GARNL3: variants seen among roughly 807,000 people sequenced by gnomAD.
GARNL3 encodes the protein GTPase-activating Rap/Ran-GAP domain-like protein 3.
GARNL3 carries 63 observed loss-of-function variants against 125.0 expected under a neutral mutation model. That is an observed-to-expected ratio of 0.50 (90% CI 0.41 to 0.62). The LOEUF (loss-of-function observed/expected upper bound fraction) is 0.62, where lower values mean the gene tolerates loss of function less well. GARNL3 is among the 20% of genes least tolerant of loss of function. The pLI is 0.00. For synonymous variants in GARNL3, 439 were observed against 457.5 expected (o/e 0.96, Z 0.52); for missense variants, 994 against 1,244.0 (o/e 0.80, Z 3.02).
upstream of GARNL3, chr9:127,264,442 G>C: frequency 1.2e-6 from 1 of 861,130 alleles, no homozygotes; most frequent in Non-Finnish European, 1.4e-6. Context: ...AAGGGGGACA[G>C]AGGGTGGAGC....
intron 2 of GARNL3, 74 bp from the exon 3 acceptor site, chr9:127,311,562 C>T: frequency 1.0e-6 from 1 of 1,001,040 alleles, no homozygotes. Flanking sequence ...GGTTCTTTGG[C>T]CGCTGGTTCA....
chr9:127,266,957 C>T lies in GARNL3; in HGVS notation c.144+1936C>T, dbSNP rs2063718394. Among the ~76,000 whole-genome samples, 1 of 152,192 alleles carries T rather than the reference C, an allele frequency of 6.6e-6. No homozygotes were observed. Among genetic ancestry groups the T allele is most frequent in the South Asian group, 2.1e-4 (1 of 4,834 alleles). On this transcript the variant is annotated intron_variant, in intron 1 of 27. Transcript: ENST00000373387. The surrounding 1 kb of genome is among the most constrained non-coding windows in gnomAD (Gnocchi z 4.0). ...TCTCAAACTTGAGCAGACATCAGAACTCTCTGGAAGGCTGATTAAAACATA... is the reference window on the plus strand; with the variant it reads ...TCTCAAACTTGAGCAGACATCAGAATTCTCTGGAAGGCTGATTAAAACATA...
intron 2 of GARNL3, among the ~76,000 whole-genome samples, chr9:127,302,057 C>G (rs1322877312): frequency 6.7e-6 from 1 of 150,162 alleles, no homozygotes; most frequent in Non-Finnish European, 1.5e-5. Flanking sequence ...ATTCTCCTGC[C>G]TCAGCCTCCA....
intron 7 of GARNL3, among the ~76,000 whole-genome samples, chr9:127,327,312 A>G (rs1315604184): frequency 1.3e-5 from 2 of 152,178 alleles, no homozygotes; most frequent in Non-Finnish European, 2.9e-5. Context: ...GAAACATGGT[A>G]AGACCAGTAA....
intron 22 of GARNL3, among the ~76,000 whole-genome samples, chr9:127,377,521 T>A (rs1235902159): frequency 1.3e-5 from 2 of 152,128 alleles, no homozygotes; most frequent in Non-Finnish European, 2.9e-5. Flanking sequence ...GAGGGGTGGC[T>A]CACACCCGTA....
At chr9:127,272,544 ATC>A (rs908667625) in intron 1 of GARNL3, among the ~76,000 whole-genome samples, 1 of 151,270 alleles carries the variant, frequency 6.6e-6, no homozygotes, top group Non-Finnish European at 1.5e-5. Flanking sequence ...TGGTGGCTCG[ATC>A]TCGGCTCACT....
chr9:127,346,766 G>A (rs1367830761), intron 16 of GARNL3, among the ~76,000 whole-genome samples: 22 of 152,154 alleles, frequency 1.4e-4, no homozygotes, highest in Admixed American at 1.4e-3. Context: ...CTCTGCAGAG[G>A]CCAGAGCCCC....
chr9:127,338,271 A>C, intron 12 of GARNL3, 110 bp downstream of exon 12: 2 of 882,762 alleles, frequency 2.3e-6, no homozygotes, highest in Non-Finnish European at 3.8e-6. Flanking sequence ...ATTTAATATG[A>C]GTGCCTGCAC....
rs148803469 is a variant in GARNL3 at position 127,257,561 on chromosome 9, T to G, written c.144-7391T>G. On this transcript the variant is annotated intron_variant, in intron 2 of 10. Transcript: ENST00000439286. Reference sequence around the variant, plus strand: ...TTAATGCTAGTGAACCACATAAATTTCAGGGGCATATGTCTGCATCAGAAA... The same window carrying G: ...TTAATGCTAGTGAACCACATAAATTGCAGGGGCATATGTCTGCATCAGAAA... Among the ~76,000 whole-genome samples, 456 of 152,330 alleles carry G rather than the reference T, an allele frequency of 3.0e-3. 3 individuals are homozygous for G. The highest frequency in any genetic ancestry group is 0.011 in the African/African-American group (441 of 41,574).
chr9:127,380,369 A>G (rs1832185247), intron 22 of GARNL3, among the ~76,000 whole-genome samples: 1 of 152,224 alleles, frequency 6.6e-6, no homozygotes, highest in South Asian at 2.1e-4. Flanking sequence ...AGATGTAGAT[A>G]TAGATACAAA....
chr9:127,300,642 A>G, intron 2 of GARNL3: 1 of 299,412 alleles, frequency 3.3e-6, no homozygotes, highest in South Asian at 3.0e-5. Flanking sequence ...GTTAGTAGAG[A>G]TAGGGTTTCA....
At chr9:127,331,590 C>T (rs1829244784) in intron 7 of GARNL3, among the ~76,000 whole-genome samples, 1 of 151,946 alleles carries the variant, frequency 6.6e-6, no homozygotes, top group African/African-American at 2.4e-5. Flanking sequence ...GCCCCTGTTC[C>T]TCTGTCTTCC....
At chr9:127,243,833 G>T (rs1588674517) in intron 2 of GARNL3, among the ~76,000 whole-genome samples, 1 of 152,194 alleles carries the variant, frequency 6.6e-6, no homozygotes, top group Admixed American at 6.5e-5. Context: ...CCAGGCCTTT[G>T]TTATGGTGTA....
At chr9:127,244,322 G>A (rs1220964301) in intron 2 of GARNL3, among the ~76,000 whole-genome samples, 1 of 152,224 alleles carries the variant, frequency 6.6e-6, no homozygotes, top group Non-Finnish European at 1.5e-5. Context: ...CTTGTAGGAT[G>A]AGCATTGATC....
intron 19 of GARNL3, 35 bp downstream of exon 19, chr9:127,354,445 G>T: frequency 7.6e-6 from 8 of 1,051,360 alleles, no homozygotes; most frequent in South Asian, 3.2e-5. Context: ...CATTCGATTC[G>T]TTTTTTTTTT....
intron 3 of GARNL3, 33 bp downstream of exon 3, chr9:127,311,768 G>C: frequency 6.9e-7 from 1 of 1,443,420 alleles, no homozygotes; most frequent in Non-Finnish European, 9.7e-7. Context: ...AGGGAAGAAA[G>C]GGTATTCAAA....
At chr9:127,322,597 G>A (rs548033603) in intron 6 of GARNL3, among the ~76,000 whole-genome samples, 78 of 152,202 alleles carry the variant, frequency 5.1e-4, no homozygotes, top group African/African-American at 1.8e-3. Flanking sequence ...GTGTGAATTT[G>A]CACATGTGTA....
intron 1 of GARNL3, among the ~76,000 whole-genome samples, chr9:127,233,669 C>T (rs2063060585): frequency 6.6e-6 from 1 of 152,172 alleles, no homozygotes; most frequent in African/African-American, 2.4e-5. Flanking sequence ...AAATGGAAAA[C>T]ATATTTTCTA....
chr9:127,335,407 A>T (rs1829496475), intron 10 of GARNL3, 74 bp downstream of exon 10: 1 of 1,184,718 alleles, frequency 8.4e-7, no homozygotes, highest in Non-Finnish European at 1.3e-6. Flanking sequence ...CCATAGAATT[A>T]GGGGCTATGC....
Sources: allele counts gnomAD v4.1 joint callset (sites outside exome capture counted in the v4.1 genomes callset), GRCh38; gene constraint gnomAD v4.1.1; non-coding constraint Gnocchi (gnomAD v3.1); transcripts MANE v1.5; gene names NCBI Gene and HGNC (gene_info 2026-07-23, HGNC 2026-07-21).